The following DHX34 variants were observed in gnomAD, a reference collection of about 807,000 sequenced individuals.
DHX34 encodes DExH-box helicase 34.
Under a neutral mutation model 111.1 loss-of-function variants are expected in DHX34, and 96 were observed. The ratio of observed to expected loss-of-function variants is 0.86; its 90% CI spans 0.73 to 1.02. The LOEUF (loss-of-function observed/expected upper bound fraction) is 1.02, where lower values mean the gene tolerates loss of function less well. Among genes scored for constraint, DHX34 ranks in the 50% least tolerant of loss-of-function variants. The probability of loss-of-function intolerance (pLI) is 0.00; values close to 1 mark genes in which losing one functional copy is unlikely to be tolerated. For synonymous variants in DHX34, 688 were observed against 670.4 expected (o/e 1.03, Z -0.41); for missense variants, 1,560 against 1,579.9 (o/e 0.99, Z 0.21).
Position 47,381,427 on chromosome 19 carries a change from G to A in DHX34, c.3298+103G>A, listed in dbSNP as rs184523729. The A allele has an allele frequency of 6.9e-4, 1,016 of 1,476,802 alleles. 3 individuals carry two copies. The highest frequency in any genetic ancestry group is 1.9e-3 in the Middle Eastern group (9 of 4,716). 91.5% of individuals were successfully genotyped at this position (1,476,802 alleles called of 1,614,324 possible). A position where few individuals can be genotyped will look rare whatever the true frequency, so the allele number is the denominator to read the frequency against. On this transcript the variant is annotated intron_variant, in intron 16 of 16. Transcript: ENST00000328771. ...AGCACTTGCTAGAGCTTCGAGGACT[G>A]ACGACCTCCACCCGCTGGCCCTGGC... is the stretch of plus-strand genomic sequence containing the variant.
intron 13 of DHX34, 63 bp from the exon 14 acceptor site, chr19:47,379,647 C>G: frequency 6.5e-7 from 1 of 1,529,954 alleles, no homozygotes; most frequent in Non-Finnish European, 8.8e-7. Context: ...CCGGGCAGGG[C>G]CTGTCTCCAA....
chr19:47,362,340 C>T, intron 5 of DHX34, 136 bp from the exon 6 acceptor site: 1 of 1,287,500 alleles, frequency 7.8e-7, no homozygotes, highest in Non-Finnish European at 9.9e-7. Context: ...AGAGTTGGGC[C>T]CAGAATAAGC....
intron 4 of DHX34, 120 bp from the exon 5 acceptor site, chr19:47,359,848 G>A: frequency 6.4e-7 from 1 of 1,552,064 alleles, no homozygotes; most frequent in South Asian, 1.2e-5. Flanking sequence ...CAAAAGGGAG[G>A]TCTCTGAAGG....
At chr19:47,351,443 G>A (rs1025046575) in intron 1 of DHX34, among the ~76,000 whole-genome samples, 1 of 152,132 alleles carries the variant, frequency 6.6e-6, no homozygotes, top group African/African-American at 2.4e-5. Context: ...ATTTTCTGGT[G>A]TAGCTGAGAA....
At chr19:47,371,181 G>A (rs1430011292) in intron 7 of DHX34, among the ~76,000 whole-genome samples, 1 of 152,212 alleles carries the variant, frequency 6.6e-6, no homozygotes, top group Non-Finnish European at 1.5e-5. Flanking sequence ...GCTCCTGAGG[G>A]CATGGGGAAG....
chr19:47,366,644 G>A (rs1370724734), intron 6 of DHX34, among the ~76,000 whole-genome samples: 1 of 151,450 alleles, frequency 6.6e-6, no homozygotes, highest in African/African-American at 2.4e-5. Flanking sequence ...GCAGAGGCGC[G>A]ATCTCGGCTT....
intron 8 of DHX34, 76 bp downstream of exon 8, chr19:47,372,999 C>T (rs958969022): frequency 1.2e-5 from 17 of 1,465,658 alleles, no homozygotes; most frequent in South Asian, 5.4e-5. Flanking sequence ...GGCTCCTCCT[C>T]GTGTCCCACC....
Position 47,380,879 on chromosome 19 carries a change from A to G in DHX34, c.3046A>G (p.Thr1016Ala). 2.5e-6 allele frequency: 4 copies of G among 1,613,654 alleles called. No individual in the cohort carries two copies. Among genetic ancestry groups the G allele is most frequent in the East Asian group, 4.5e-5 (2 of 44,868 alleles). Residue 1016 changes from threonine (T) to alanine (A), a missense_variant, in exon 15 of 17, where the codon ACC (threonine) becomes GCC (alanine). By Grantham distance (58) the Thr-to-Ala change is moderately conservative (BLOSUM62 0). Coordinates refer to ENST00000328771, the MANE Select transcript of DHX34 (RefSeq NM_014681.6). The stretch of plus-strand genomic sequence containing the variant: ...CCAGAACATGTATGTGGGACCCCAG[A>G]CCATCCCAGCCACCCCCCATCTTCC... The part of the protein sequence containing the change: ...EVQNMYVGPQ[T>A]IPATPHLPGL...
rs1438631264 is a variant in DHX34 at position 47,370,986 on chromosome 19, T to C, written c.1769-1744T>C. On this transcript the variant is annotated intron_variant, in intron 7 of 16. Coordinates refer to ENST00000328771, the MANE Select transcript of DHX34 (RefSeq NM_014681.6). ...CCTGCGCCCGGCTTCATTTTTGTTT[T>C]GGAAGGAAACAGGGCTAGAGCAGGG... 2.0e-5 allele frequency among the ~76,000 whole-genome samples: 3 copies of C among 152,324 alleles called. No individual in the cohort carries two copies. The East Asian group carries it at 5.8e-4, about 29-fold the overall frequency.
At chr19:47,362,219 C>T in intron 5 of DHX34, 12 of 410,954 alleles carry the variant, frequency 2.9e-5, no homozygotes, top group Non-Finnish European at 3.7e-5. Flanking sequence ...GCAGTGAGCT[C>T]TGACTGAGCC....
chr19:47,368,337 G>A (rs1366802988), intron 7 of DHX34, among the ~76,000 whole-genome samples: 5 of 108,114 alleles, frequency 4.6e-5, no homozygotes, highest in Non-Finnish European at 5.2e-5. Flanking sequence ...ACTGAGTTTC[G>A]CTCTTGTTGC....
In DHX34 at chr19:47,379,815, C is replaced by G. The variant is rs146308675; in HGVS notation, c.2812C>G (p.Arg938Gly). 1 of 1,613,698 alleles carries G rather than the reference C, an allele frequency of 6.2e-7. No individual in the cohort carries two copies. Among genetic ancestry groups the G allele is most frequent in the South Asian group, 1.1e-5 (1 of 91,086 alleles). The change falls in exon 14 of 17, where the codon CGA becomes GGA. Residue 938 changes from arginine (R) to glycine (G), a missense_variant. Arg to Gly is a moderately radical substitution (Grantham distance 125). Transcript: ENST00000328771. ...GCTAGCAGACAGTGAAAGTGCCATC[C>G]GACTCCTGGCGGCTTCCCTGCGGCT... Reference protein sequence around the residue: ...LQLADSESAIRLLAASLRLRA... With the variant: ...LQLADSESAIGLLAASLRLRA...
chr19:47,376,448 C>CCA lies in DHX34; in HGVS notation c.2491_2492dup (p.Gln832ArgfsTer42). On this transcript the variant is annotated frameshift_variant, in exon 12 of 17. Transcript: ENST00000328771. LOFTEE classifies it high-confidence loss of function. ...TTTCTCTCTGTCCTCCGCAGATTTT[C>CCA]CACACGCAGGCCAAGCAGGGCGCCG... The CCA allele has an allele frequency of 6.2e-7, 1 of 1,611,378 alleles. No individual in the cohort carries two copies. Among genetic ancestry groups the CCA allele is most frequent in the Non-Finnish European group, 8.5e-7 (1 of 1,179,078 alleles).
At chr19:47,381,134 G>A (rs1328038349) in intron 15 of DHX34, 52 bp from the exon 16 acceptor site, 33 of 1,605,118 alleles carry the variant, frequency 2.1e-5, no homozygotes, top group Non-Finnish European at 2.6e-5. Context: ...GGGCACTTGG[G>A]TGGTGGGTGG....
At chr19:47,368,717 T>G (rs1969879459) in intron 7 of DHX34, among the ~76,000 whole-genome samples, 1 of 122,018 alleles carries the variant, frequency 8.2e-6, no homozygotes, top group Non-Finnish European at 1.7e-5. Flanking sequence ...TATATATATG[T>G]TTTTTTTTCT....
intron 3 of DHX34, 58 bp downstream of exon 3, chr19:47,355,408 C>A: frequency 6.4e-7 from 1 of 1,571,260 alleles, no homozygotes; most frequent in Non-Finnish European, 8.7e-7. Flanking sequence ...TCTGTCCAAA[C>A]CTGGACATGC....
At chr19:47,373,008 C>A in intron 8 of DHX34, 85 bp downstream of exon 8, 1 of 1,443,042 alleles carries the variant, frequency 6.9e-7, no homozygotes, top group Non-Finnish European at 9.1e-7. Context: ...TCGTGTCCCA[C>A]CCTCAGCCCC....
intron 14 of DHX34, among the ~76,000 whole-genome samples, chr19:47,380,501 AG>A (rs767559709): frequency 1.7e-4 from 26 of 151,572 alleles, no homozygotes; most frequent in Non-Finnish European, 2.8e-4. Flanking sequence ...GAGGGGACCA[AG>A]GCTGACATGC....
rs778122567 is a variant in DHX34, at chr19:47,360,087, G to A, written c.1375+17G>A. On this transcript the variant is annotated intron_variant, in intron 5 of 16. Transcript: ENST00000328771. Reference sequence around the variant, plus strand: ...TAGATTCCGGTAAGGACCACCATGAGCCCCTACCCACCACCCCCAAGGACT... The same window carrying A: ...TAGATTCCGGTAAGGACCACCATGAACCCCTACCCACCACCCCCAAGGACT... The A allele has an allele frequency of 3.9e-5, 63 of 1,613,272 alleles. No individual in the cohort carries two copies. The Admixed American group carries it at 1.0e-3, about 27-fold the overall frequency.
Sources: gnomAD v4.1 joint callset for allele counts (sites outside exome capture counted in the v4.1 genomes callset) on GRCh38, gnomAD v4.1.1 for gene constraint, MANE v1.5 for transcripts, NCBI Gene and HGNC (gene_info 2026-07-23, HGNC 2026-07-21) for gene names.